CDK6: variants seen among roughly 807,000 people sequenced by gnomAD.
CDK6 encodes cyclin-dependent kinase 6.
A neutral mutation model predicts 37.1 loss-of-function variants in CDK6; 6 were observed. That is an observed-to-expected ratio of 0.16 (90% CI 0.09 to 0.32). The LOEUF (loss-of-function observed/expected upper bound fraction) is 0.32. Ranked by LOEUF, CDK6 falls within the 10% of genes least tolerant of loss-of-function variation. The pLI, the probability that CDK6 is intolerant of heterozygous loss-of-function variation, is 1.00. For synonymous variants in CDK6, 160 were observed against 161.3 expected (o/e 0.99, Z 0.06); for missense variants, 224 against 418.9 (o/e 0.53, Z 4.06).
chr7:92,836,000 C>A lies in CDK6; in HGVS notation c.-368+478G>T, dbSNP rs1198400437. ...GAGGGGAAGGTGGAGCCCACACCCA[C>A]ACCTCAGCGAGCTGGAGAGGGAGTT... is the stretch of plus-strand genomic sequence containing the variant. On this transcript the variant is annotated intron_variant, in intron 1 of 7. Transcript: ENST00000424848. The surrounding 1 kb of genome is among the most constrained non-coding windows in gnomAD (Gnocchi z 4.2). Among the ~76,000 whole-genome samples the A allele has an allele frequency of 6.6e-6, 1 of 152,188 alleles. No individual in the cohort carries two copies. Among genetic ancestry groups the A allele is most frequent in the African/African-American group, 2.4e-5 (1 of 41,442 alleles).
At position 92,608,995 on chromosome 7, in the gene CDK6, T is replaced by C. The variant is rs1795498570; in HGVS notation, c.*6145A>G. 1 of 233,132 alleles carries C rather than the reference T, an allele frequency of 4.3e-6. No individual in the cohort carries two copies. Among genetic ancestry groups the C allele is most frequent in the Non-Finnish European group, 8.5e-6 (1 of 118,048 alleles). The allele number at this position is 233,132 out of a possible 1,614,324, so 14.4% of individuals were successfully genotyped here. A position where few individuals can be genotyped will look rare whatever the true frequency, so the allele number is the denominator to read the frequency against. ...AAACCCTGGGGTGGAATTCGGCCTT[T>C]CGCATAGGGGCTTTAACTGGACTCT... On this transcript the variant is annotated 3_prime_UTR_variant, in exon 8 of 8. Coordinates refer to ENST00000424848, the MANE Select transcript of CDK6 (RefSeq NM_001145306.2).
At chr7:92,805,105 C>T (rs906203823) in intron 2 of CDK6, among the ~76,000 whole-genome samples, 21 of 152,252 alleles carry the variant, frequency 1.4e-4, no homozygotes, top group Admixed American at 7.9e-4. Context: ...CTTGAAATCT[C>T]GATGAAGGAA....
intron 3 of CDK6, among the ~76,000 whole-genome samples, chr7:92,768,053 G>A (rs1799625580): frequency 6.6e-6 from 1 of 152,114 alleles, no homozygotes; most frequent in South Asian, 2.1e-4. Context: ...TAATGGAGAA[G>A]GGCAGAAGAA....
intron 3 of CDK6, among the ~76,000 whole-genome samples, chr7:92,751,583 T>C (rs368249935): frequency 9.2e-4 from 140 of 152,366 alleles, no homozygotes; most frequent in African/African-American, 3.3e-3. Flanking sequence ...TACGCAGTTT[T>C]ATTAACTTTT....
chr7:92,830,962 A>G (rs1250022304), intron 2 of CDK6, among the ~76,000 whole-genome samples: 2 of 152,250 alleles, frequency 1.3e-5, no homozygotes, highest in Non-Finnish European at 2.9e-5. Flanking sequence ...GAGACCATCA[A>G]TCTGCTGAAA....
In CDK6 at chr7:92,678,432, C is replaced by T. The variant is rs144421352; in HGVS notation, c.538-6897G>A. On this transcript the variant is annotated intron_variant, in intron 4 of 7. Coordinates refer to ENST00000424848, the MANE Select transcript of CDK6 (RefSeq NM_001145306.2). ...ATGGATGTGGCAACAGGAGGGGGAG[C>T]GGAAGGCAGGGGGGAGTTCAAGGAT... Among the ~76,000 whole-genome samples, 242 of 150,348 alleles carry T rather than the reference C, an allele frequency of 1.6e-3. 2 individuals carry two copies. Among genetic ancestry groups the T allele is most frequent in the Admixed American group, 4.9e-3 (73 of 15,046 alleles).
chr7:92,721,801 T>C (rs574124149), intron 4 of CDK6, among the ~76,000 whole-genome samples: 85 of 152,218 alleles, frequency 5.6e-4, no homozygotes, highest in Non-Finnish European at 1.0e-3. Flanking sequence ...TGAAGTATAT[T>C]CTACTTATGA....
intron 2 of CDK6, among the ~76,000 whole-genome samples, chr7:92,795,565 G>A (rs1800387933): frequency 6.6e-6 from 1 of 152,030 alleles, no homozygotes; most frequent in Admixed American, 6.6e-5. Flanking sequence ...CCTGAAAGAA[G>A]TAACTTCATA....
chr7:92,635,096 T>C (rs2282978), intron 5 of CDK6, among the ~76,000 whole-genome samples: 56,489 of 152,022 alleles, frequency 0.37, 11,040 homozygotes, highest in African/African-American at 0.48. Flanking sequence ...TTGGATCATC[T>C]TTGGGAAACC....
chr7:92,730,402 T>C (rs1338001231), intron 3 of CDK6, among the ~76,000 whole-genome samples: 2 of 152,174 alleles, frequency 1.3e-5, no homozygotes, highest in African/African-American at 4.8e-5. Flanking sequence ...CAGACTAAAA[T>C]GTATCACATA....
chr7:92,777,796 G>A (rs1799887987), intron 2 of CDK6, among the ~76,000 whole-genome samples: 1 of 152,146 alleles, frequency 6.6e-6, no homozygotes, highest in Non-Finnish European at 1.5e-5. Context: ...GATGGGGATA[G>A]CATTGAATAT....
chr7:92,615,995 T>C lies in CDK6; in HGVS notation c.835-709A>G, dbSNP rs570760632. 2.0e-5 allele frequency among the ~76,000 whole-genome samples: 3 copies of C among 152,290 alleles called. No individual in the cohort carries two copies. The East Asian group carries it at 5.8e-4, about 29-fold the overall frequency. ...ATTTCCACCCCTACCTCAGGTAATC[T>C]TGTTACTCAAATCCTCCTCCTCTCC... is the stretch of plus-strand genomic sequence containing the variant. On this transcript the variant is annotated intron_variant, in intron 7 of 7. Coordinates refer to ENST00000424848, the MANE Select transcript of CDK6 (RefSeq NM_001145306.2).
chr7:92,818,266 G>T (rs779836960), intron 2 of CDK6, among the ~76,000 whole-genome samples: 72 of 152,012 alleles, frequency 4.7e-4, no homozygotes, highest in Non-Finnish European at 1.5e-4. Context: ...CAATGCAAAA[G>T]AACAAAGAGT....
intron 2 of CDK6, among the ~76,000 whole-genome samples, chr7:92,798,421 C>A (rs1800474706): frequency 6.6e-6 from 1 of 152,138 alleles, no homozygotes; most frequent in South Asian, 2.1e-4. Flanking sequence ...TGCATTTCAA[C>A]TCTAAGTTAA....
chr7:92,656,567 A>C (rs1207974311), intron 5 of CDK6, among the ~76,000 whole-genome samples: 1 of 152,238 alleles, frequency 6.6e-6, no homozygotes, highest in East Asian at 1.9e-4. Context: ...ATTATTGTCT[A>C]GTAAATTTGC....
chr7:92,613,130 G>A lies in CDK6; in HGVS notation c.*2010C>T, dbSNP rs1387975340. On this transcript the variant is annotated 3_prime_UTR_variant, in exon 8 of 8. Transcript: ENST00000424848. ...AGAAAACAATGTTCCTGTTCCTCAA[G>A]CTACTGAATTAGAACAATGTTAAGT... 4 of 233,036 alleles carry A rather than the reference G, an allele frequency of 1.7e-5. No homozygotes were observed. Among genetic ancestry groups the A allele is most frequent in the African/African-American group, 6.6e-5 (3 of 45,426 alleles). 14.4% of individuals were successfully genotyped at this position (233,036 alleles called of 1,614,324 possible).
Position 92,613,903 on chromosome 7 carries a change from T to A in CDK6, c.*1237A>T. ...GAGGCCATAAACCATAAGCTGAGAC[T>A]GCGAATTTATGAAAGGTTCATTGAA... On this transcript the variant is annotated 3_prime_UTR_variant, in exon 8 of 8. Transcript: ENST00000424848. 4.3e-6 allele frequency: 1 copy of A among 233,106 alleles called. No homozygotes were observed. Among genetic ancestry groups the A allele is most frequent in the East Asian group, 6.0e-5 (1 of 16,572 alleles). The allele number at this position is 233,106 out of a possible 1,614,324, so 14.4% of individuals were successfully genotyped here. A position where few individuals can be genotyped will look rare whatever the true frequency, so the allele number is the denominator to read the frequency against.
chr7:92,810,474 C>T (rs1042046633), intron 2 of CDK6, among the ~76,000 whole-genome samples: 26 of 152,166 alleles, frequency 1.7e-4, no homozygotes, highest in East Asian at 1.5e-3. Context: ...ATCTGCAAGA[C>T]GGGAATAACA....
At chr7:92,787,380 C>T (rs1482940085) in intron 2 of CDK6, among the ~76,000 whole-genome samples, 6 of 151,992 alleles carry the variant, frequency 3.9e-5, no homozygotes, top group African/African-American at 1.4e-4. Flanking sequence ...TCTCCTACCA[C>T]TCACGTACTT....
Sources: gnomAD v4.1 joint callset for allele counts (sites outside exome capture counted in the v4.1 genomes callset) on GRCh38, gnomAD v4.1.1 for gene constraint, Gnocchi (gnomAD v3.1) non-coding constraint, MANE v1.5 for transcripts, NCBI Gene and HGNC (gene_info 2026-07-23, HGNC 2026-07-21) for gene names.